UPP2: variants seen among roughly 807,000 people sequenced by gnomAD.
UPP2 encodes the protein uridine phosphorylase 2, also known as UPase 2.
UPP2 carries 23 observed loss-of-function variants against 26.7 expected under a neutral mutation model. The ratio of observed to expected loss-of-function variants is 0.86; its 90% CI spans 0.62 to 1.22. The LOEUF (loss-of-function observed/expected upper bound fraction) is 1.22. Among genes scored for constraint, UPP2 ranks in the 50% most tolerant of loss-of-function variants. UPP2 has a pLI of 0.00. For missense variants in UPP2, 387 were observed against 396.7 expected (o/e 0.98, Z 0.21); for synonymous variants, 127 against 141.3 (o/e 0.90, Z 0.72).
At chr2:158,018,782 TC>T (rs147216560) in intron 3 of UPP2, among the ~76,000 whole-genome samples, 3,653 of 152,300 alleles carry the variant, frequency 0.024, 134 homozygotes, top group African/African-American at 0.083. Context: ...GAACACCTTC[TC>T]TTTCCCACTC....
At chr2:158,047,107 A>C (rs536877231) in intron 3 of UPP2, among the ~76,000 whole-genome samples, 2 of 152,314 alleles carry the variant, frequency 1.3e-5, no homozygotes, top group East Asian at 3.9e-4. Context: ...TAATAGTCGA[A>C]GTCAGCTTAT....
intron 3 of UPP2, among the ~76,000 whole-genome samples, chr2:158,084,049 T>C (rs536796550): frequency 1.3e-5 from 2 of 152,134 alleles, no homozygotes; most frequent in South Asian, 2.1e-4. Context: ...CTGGATCAAA[T>C]AGTAGCTCTA....
intron 3 of UPP2, among the ~76,000 whole-genome samples, chr2:158,032,596 C>G (rs917025787): frequency 1.1e-4 from 16 of 152,174 alleles, no homozygotes; most frequent in Non-Finnish European, 1.5e-5. Context: ...TGAAACATGG[C>G]TGGGACTGAG....
At chr2:158,069,446 C>T (rs1356998468) in intron 3 of UPP2, among the ~76,000 whole-genome samples, 1 of 152,200 alleles carries the variant, frequency 6.6e-6, no homozygotes, top group Non-Finnish European at 1.5e-5. Context: ...TCTCCAGTGT[C>T]GAGCTTATGC....
intron 3 of UPP2, among the ~76,000 whole-genome samples, chr2:158,058,641 C>T (rs1682301744): frequency 6.6e-6 from 1 of 151,898 alleles, no homozygotes. Context: ...TTTTTTAAGA[C>T]AGCCCTAGCA....
intron 2 of UPP2, among the ~76,000 whole-genome samples, chr2:158,107,265 C>T (rs965866190): frequency 1.3e-5 from 2 of 152,158 alleles, no homozygotes; most frequent in African/African-American, 2.4e-5. Context: ...CTGACTTTTT[C>T]GTTTCTTTAG....
chr2:158,026,500 T>A (rs1394654827), intron 3 of UPP2, among the ~76,000 whole-genome samples: 1 of 152,134 alleles, frequency 6.6e-6, no homozygotes, highest in Non-Finnish European at 1.5e-5. Context: ...TCTAGGACTA[T>A]ATCTCATGGG....
chr2:158,043,495 T>C (rs1435697528), intron 3 of UPP2, among the ~76,000 whole-genome samples: 1 of 152,132 alleles, frequency 6.6e-6, no homozygotes, highest in East Asian at 1.9e-4. Context: ...ACCTTAGCCA[T>C]CCAGGGGCTC....
At position 158,079,004 on chromosome 2, in the gene UPP2, T is replaced by C. The variant is rs553463376; in HGVS notation, c.148-23036T>C. On this transcript the variant is annotated intron_variant, in intron 3 of 9. Coordinates refer to the UPP2 transcript ENST00000605860. ...TGAATCATGGGGGCAGTTTCCCATA[T>C]ACTGTTTTCATGACAGTGAGTCCTC... is the stretch of plus-strand genomic sequence containing the variant. Among the ~76,000 whole-genome samples the C allele has an allele frequency of 1.2e-4, 19 of 152,252 alleles. No homozygotes were observed. In the South Asian group the frequency reaches 3.7e-3, roughly 30 times the overall value.
chr2:158,078,874 G>T (rs1436219981), intron 3 of UPP2, among the ~76,000 whole-genome samples: 1 of 152,122 alleles, frequency 6.6e-6, no homozygotes, highest in Admixed American at 6.6e-5. Context: ...CTGTACCAAA[G>T]TATCTCATGT....
At chr2:158,068,257 A>G (rs1682468627) in intron 3 of UPP2, among the ~76,000 whole-genome samples, 1 of 152,222 alleles carries the variant, frequency 6.6e-6, no homozygotes, top group Non-Finnish European at 1.5e-5. Context: ...TACTAATTAC[A>G]AATTGTGAAG....
intron 6 of UPP2, among the ~76,000 whole-genome samples, chr2:158,130,189 A>C (rs1296554063): frequency 6.6e-6 from 1 of 152,086 alleles, no homozygotes; most frequent in African/African-American, 2.4e-5. Flanking sequence ...TGTAAACAAA[A>C]ACACTGCATT....
At chr2:158,133,437 G>A (rs890115411) in intron 6 of UPP2, among the ~76,000 whole-genome samples, 3 of 152,124 alleles carry the variant, frequency 2.0e-5, no homozygotes, top group Admixed American at 6.5e-5. Flanking sequence ...GATTAAGCTC[G>A]AGAGATCTAT....
chr2:158,117,086 T>C (rs1413302411), intron 3 of UPP2, among the ~76,000 whole-genome samples: 1 of 152,076 alleles, frequency 6.6e-6, no homozygotes. Context: ...CTACCAGTTT[T>C]GAAATCAGTT....
At chr2:158,083,743 G>A (rs973808633) in intron 3 of UPP2, among the ~76,000 whole-genome samples, 2 of 150,594 alleles carry the variant, frequency 1.3e-5, no homozygotes, top group African/African-American at 4.9e-5. Flanking sequence ...CATCTAGGTT[G>A]CTCTGAATAC....
chr2:158,049,342 G>A (rs556672219), intron 3 of UPP2, among the ~76,000 whole-genome samples: 1 of 152,322 alleles, frequency 6.6e-6, no homozygotes, highest in East Asian at 1.9e-4. Context: ...CACAGCACCT[G>A]TGTGGCAAAA....
At chr2:158,027,838 G>T (rs1683859528) in intron 3 of UPP2, among the ~76,000 whole-genome samples, 2 of 152,220 alleles carry the variant, frequency 1.3e-5, no homozygotes, top group African/African-American at 4.8e-5. Context: ...GCACTTGCAG[G>T]CTCAACACCA....
At chr2:158,021,450 T>G (rs552914427) in intron 3 of UPP2, among the ~76,000 whole-genome samples, 3 of 152,326 alleles carry the variant, frequency 2.0e-5, no homozygotes, top group Non-Finnish European at 2.9e-5. Flanking sequence ...GGGACAGTGT[T>G]ATGGCCAAAC....
At chr2:158,010,372 T>C (rs898526419) in intron 2 of UPP2, among the ~76,000 whole-genome samples, 8 of 152,234 alleles carry the variant, frequency 5.3e-5, no homozygotes, top group African/African-American at 9.6e-5. Flanking sequence ...TATTTTCTAG[T>C]GAGGAAAGAT....
Sources: gnomAD v4.1 joint callset for allele counts (sites outside exome capture counted in the v4.1 genomes callset) on GRCh38, gnomAD v4.1.1 for gene constraint, MANE v1.5 for transcripts, NCBI Gene and HGNC (gene_info 2026-07-23, HGNC 2026-07-21) for gene names.